Variants in FAM3D observed in about 807,000 individuals in gnomAD.
FAM3D encodes the protein FAM3 metabolism regulating signaling molecule D.
Under a neutral mutation model 29.8 loss-of-function variants are expected in FAM3D, and 26 were observed. The observed-to-expected ratio is 0.87, with a 90% CI of 0.64 to 1.21. FAM3D has a LOEUF of 1.21. Among genes scored for constraint, FAM3D ranks in the 50% most tolerant of loss-of-function variants. The probability of loss-of-function intolerance (pLI) is 0.00; values close to 1 mark genes in which losing one functional copy is unlikely to be tolerated. For synonymous variants in FAM3D, 115 were observed against 102.3 expected (o/e 1.12, Z -0.75); for missense variants, 253 against 290.9 (o/e 0.87, Z 0.95).
At chr3:58,660,105 G>C (rs1358504403) in intron 1 of FAM3D, among the ~76,000 whole-genome samples, 4 of 152,196 alleles carry the variant, frequency 2.6e-5, no homozygotes, top group Admixed American at 1.3e-4. Context: ...ATAGTGACAG[G>C]GCTGAGGGAG....
chr3:58,651,042 G>A (rs2066624022), intron 3 of FAM3D, among the ~76,000 whole-genome samples: 1 of 152,182 alleles, frequency 6.6e-6, no homozygotes, highest in East Asian at 1.9e-4. Context: ...AAAGAACTCT[G>A]ATTAACTTTC....
chr3:58,641,555 G>C (rs1015896797), intron 6 of FAM3D, among the ~76,000 whole-genome samples: 1 of 151,936 alleles, frequency 6.6e-6, no homozygotes, highest in Admixed American at 6.6e-5. Flanking sequence ...GGGCGGATTC[G>C]GGGGGTGGTT....
chr3:58,638,267 C>T (rs2066231565), intron 7 of FAM3D, among the ~76,000 whole-genome samples: 1 of 152,110 alleles, frequency 6.6e-6, no homozygotes, highest in South Asian at 2.1e-4. Flanking sequence ...ATATAGTTTC[C>T]TTTTAAGATA....
rs544014960 is a variant in FAM3D at position 58,634,177 on chromosome 3, G to C, written c.*102C>G. On this transcript the variant is annotated 3_prime_UTR_variant, in exon 10 of 10. Transcript: ENST00000358781. The surrounding 1 kb of genome is among the most constrained non-coding windows in gnomAD (Gnocchi z 4.6). ...TGCAAGGACCTGCAGCACCTTCCAC[G>C]CAGCACCCCCTGCTCCTCCTCCTCA... 1 of 1,050,422 alleles carries C rather than the reference G, an allele frequency of 9.5e-7. No individual in the cohort carries two copies. Among genetic ancestry groups the C allele is most frequent in the Admixed American group, 2.1e-5 (1 of 47,518 alleles). The allele number at this position is 1,050,422 out of a possible 1,614,324, so 65.1% of individuals were successfully genotyped here. A position where few individuals can be genotyped will look rare whatever the true frequency, so the allele number is the denominator to read the frequency against.
intron 3 of FAM3D, among the ~76,000 whole-genome samples, chr3:58,652,185 G>A (rs941568265): frequency 2.0e-5 from 3 of 152,208 alleles, no homozygotes; most frequent in Non-Finnish European, 4.4e-5. Context: ...ATCTCCAAGA[G>A]GAACTTGGGT....
chr3:58,664,627 G>A (rs907136786), intron 1 of FAM3D, among the ~76,000 whole-genome samples: 1 of 152,226 alleles, frequency 6.6e-6, no homozygotes, highest in African/African-American at 2.4e-5. Flanking sequence ...GGTCAGACAA[G>A]CCAATAAGAT....
At chr3:58,655,449 G>C (rs1191908821) in intron 2 of FAM3D, 102 bp downstream of exon 2, 29 of 1,480,202 alleles carry the variant, frequency 2.0e-5, no homozygotes, top group Non-Finnish European at 2.7e-5. Flanking sequence ...CTGGAATTCG[G>C]GCCTGACCAT....
At chr3:58,648,701 C>A (rs1481009587) in intron 4 of FAM3D, among the ~76,000 whole-genome samples, 1 of 152,180 alleles carries the variant, frequency 6.6e-6, no homozygotes, top group East Asian at 1.9e-4. Context: ...GACTCTCTAG[C>A]CAAGGACTCC....
chr3:58,652,862 G>GTCCATCCATCCATCCA (rs745543889), intron 3 of FAM3D, among the ~76,000 whole-genome samples: 64 of 145,924 alleles, frequency 4.4e-4, no homozygotes, highest in African/African-American at 9.8e-4. Context: ...CCATCCATCT[G>GTCCATCCATCCATCCA]TCCATCCATC....
intron 1 of FAM3D, among the ~76,000 whole-genome samples, chr3:58,664,633 A>C (rs1339833403): frequency 1.3e-5 from 2 of 152,218 alleles, no homozygotes; most frequent in Non-Finnish European, 2.9e-5. Flanking sequence ...ACAAGCCAAT[A>C]AGATAGGCAA....
intron 3 of FAM3D, among the ~76,000 whole-genome samples, chr3:58,651,404 A>G (rs1488897428): frequency 6.6e-6 from 1 of 152,196 alleles, no homozygotes; most frequent in East Asian, 1.9e-4. Context: ...TTTACTGGCC[A>G]TCTTTCCCAC....
chr3:58,637,063 G>T lies in FAM3D; in HGVS notation c.458+78C>A, dbSNP rs574208495. The T allele has an allele frequency of 6.8e-5, 84 of 1,234,518 alleles. No homozygotes were observed. The African/African-American group carries it at 1.0e-3, about 15-fold the overall frequency. 76.5% of individuals were successfully genotyped at this position (1,234,518 alleles called of 1,614,324 possible). ...GCCAGAAAATGGATCTGGCAAAAGA[G>T]CAGAAAAGGGTGTGCAGGGTTTGAA... is the stretch of plus-strand genomic sequence containing the variant. On this transcript the variant is annotated intron_variant, in intron 8 of 9. Coordinates refer to ENST00000358781, the MANE Select transcript of FAM3D (RefSeq NM_138805.3).
At chr3:58,656,664 T>A (rs1275000426) in intron 1 of FAM3D, among the ~76,000 whole-genome samples, 2 of 152,178 alleles carry the variant, frequency 1.3e-5, no homozygotes, top group Non-Finnish European at 2.9e-5. Flanking sequence ...CTGACTGTGA[T>A]GACCTCTCCC....
chr3:58,641,548 C>A (rs558832749), intron 6 of FAM3D, among the ~76,000 whole-genome samples: 1 of 151,986 alleles, frequency 6.6e-6, no homozygotes, highest in African/African-American at 2.4e-5. Context: ...AGAGACGGGG[C>A]GGATTCGGGG....
intron 7 of FAM3D, 74 bp downstream of exon 7, chr3:58,640,053 C>G: frequency 6.5e-7 from 1 of 1,544,672 alleles, no homozygotes; most frequent in Non-Finnish European, 8.9e-7. Context: ...CACCAGGTCC[C>G]TTGCCACATG....
chr3:58,663,769 T>G (rs1054717314), intron 1 of FAM3D, among the ~76,000 whole-genome samples: 2 of 152,126 alleles, frequency 1.3e-5, no homozygotes, highest in Non-Finnish European at 2.9e-5. Flanking sequence ...ACAGAACCAG[T>G]TGTACCTGCA....
At chr3:58,652,330 T>C (rs960646949) in intron 3 of FAM3D, among the ~76,000 whole-genome samples, 1 of 152,216 alleles carries the variant, frequency 6.6e-6, no homozygotes, top group African/African-American at 2.4e-5. Flanking sequence ...AATGAGACTA[T>C]GCATGTAAAG....
chr3:58,639,126 G>A (rs1271363776), intron 7 of FAM3D, among the ~76,000 whole-genome samples: 4 of 152,056 alleles, frequency 2.6e-5, no homozygotes, highest in African/African-American at 4.8e-5. Context: ...TCATCTTTAC[G>A]CTTTTTTTCC....
chr3:58,639,555 C>T (rs1374474347), intron 7 of FAM3D, among the ~76,000 whole-genome samples: 25 of 152,162 alleles, frequency 1.6e-4, no homozygotes. Flanking sequence ...CTATCCTGTA[C>T]CAGGAGGAGG....
Sources: gnomAD v4.1 joint callset for allele counts (sites outside exome capture counted in the v4.1 genomes callset) on GRCh38, gnomAD v4.1.1 for gene constraint, Gnocchi (gnomAD v3.1) non-coding constraint, MANE v1.5 for transcripts, NCBI Gene and HGNC (gene_info 2026-07-23, HGNC 2026-07-21) for gene names.